The following SPINDOC variants were observed in gnomAD, a reference collection of about 807,000 sequenced individuals.
The protein encoded by SPINDOC is spindlin interactor and repressor of chromatin binding.
SPINDOC carries 13 observed loss-of-function variants against 30.7 expected under a neutral mutation model. The observed-to-expected ratio is 0.42, with a 90% CI of 0.28 to 0.67. The LOEUF is 0.67. SPINDOC is among the 30% of genes least tolerant of loss of function. The pLI, the probability that SPINDOC is intolerant of heterozygous loss-of-function variation, is 0.22. For synonymous variants in SPINDOC, 228 were observed against 211.4 expected (o/e 1.08, Z -0.68); for missense variants, 438 against 518.0 (o/e 0.85, Z 1.50).
intron 5 of SPINDOC, among the ~76,000 whole-genome samples, chr11:63,819,578 C>A (rs1565077123): frequency 6.6e-6 from 1 of 151,782 alleles, no homozygotes; most frequent in Non-Finnish European, 1.5e-5. Context: ...TTCAGTGCAT[C>A]CTCTGCTTCC....
intron 5 of SPINDOC, chr11:63,823,150 G>A (rs1335010037): frequency 1.6e-6 from 2 of 1,289,074 alleles, no homozygotes; most frequent in Admixed American, 4.6e-5. Flanking sequence ...TAGGCTGGAG[G>A]CAGTAAATCT....
Position 63,826,966 on chromosome 11 carries a change from G to T in SPINDOC, c.973G>T (p.Val325Phe). The T allele has an allele frequency of 1.9e-6, 3 of 1,600,514 alleles. No homozygotes were observed. Among genetic ancestry groups the T allele is most frequent in the Non-Finnish European group, 1.7e-6 (2 of 1,167,894 alleles). The change falls in exon 6 of 6, where the codon GTT (valine) becomes TTT (phenylalanine). Residue 325 changes from valine to phenylalanine, a missense_variant. Coordinates refer to ENST00000294244, the MANE Select transcript of SPINDOC (RefSeq NM_138471.3). ...PGLRGTLDLQ[V>F]IRVRMEEPPA... Reference sequence around the variant, plus strand: ...GCTCCGCGGGACACTGGATCTCCAGGTTATCCGCGTGCGGATGGAGGAGCC... The same window carrying T: ...GCTCCGCGGGACACTGGATCTCCAGTTTATCCGCGTGCGGATGGAGGAGCC...
intron 1 of SPINDOC, among the ~76,000 whole-genome samples, chr11:63,815,129 CAGGAAAAGGAGAAAGAGG>C: frequency 1.3e-5 from 2 of 152,134 alleles, no homozygotes; most frequent in Non-Finnish European, 2.9e-5. Context: ...ATCACTAAAG[CAGGAAAAGGAGAAAGAGG>C]AGGAATGGGT....
chr11:63,818,095 C>A lies in SPINDOC; in HGVS notation c.418C>A (p.Gln140Lys). 2 of 1,614,094 alleles carry A rather than the reference C, an allele frequency of 1.2e-6. No homozygotes were observed. The highest frequency in any genetic ancestry group is 8.5e-7 in the Non-Finnish European group (1 of 1,180,016). The change falls in exon 2 of 6, where the codon CAA (glutamine) becomes AAA (lysine). Residue 140 changes from glutamine (Q) to lysine (K), a missense_variant. This residue lies in a region of SPINDOC where 300 missense variants were observed against 332.8 expected (regional missense o/e 0.90). Coordinates refer to ENST00000294244, the MANE Select transcript of SPINDOC (RefSeq NM_138471.3). This position sits in a 1 kb window ranked among gnomAD's most constrained non-coding sequence, Gnocchi z 5.3. ...EAWSEGVALL[Q>K]DVRAEQPSPP... is the part of the protein sequence containing the mutation. ...CTGGAGTGAAGGGGTGGCCCTCTTG[C>A]AAGACGTGAGAGCTGAGCAGCCGTC...
Position 63,813,682 on chromosome 11 carries a change from G to T in SPINDOC, c.-5G>T, listed in dbSNP as rs201982601. On this transcript the variant is annotated 5_prime_UTR_variant, in exon 1 of 6. Transcript: ENST00000294244. ...CCGGCCACTGCTATCGCCCACGGCC[G>T]CACCATGGCCCTAAAGGCCGAGGGC... 12 of 1,556,752 alleles carry T rather than the reference G, an allele frequency of 7.7e-6. No individual in the cohort carries two copies. Among genetic ancestry groups the T allele is most frequent in the Admixed American group, 1.9e-5 (1 of 51,564 alleles).
Position 63,827,476 on chromosome 11 carries a change from G to A in SPINDOC, c.*337G>A. On this transcript the variant is annotated 3_prime_UTR_variant, in exon 6 of 6. Transcript: ENST00000294244. ...CTCCCCACCATTCTCCCTTGGCACA[G>A]TGCCTTACACAAGAGTGGTCATAAG... The A allele has an allele frequency of 2.7e-6, 1 of 372,518 alleles. No individual in the cohort carries two copies. 23.1% of individuals were successfully genotyped at this position (372,518 alleles called of 1,614,324 possible).
chr11:63,817,825 C>G lies in SPINDOC; in HGVS notation c.148C>G (p.Pro50Ala). 6.3e-7 allele frequency: 1 copy of G among 1,593,216 alleles called. No individual in the cohort carries two copies. Among genetic ancestry groups the G allele is most frequent in the East Asian group, 2.3e-5 (1 of 43,900 alleles). ...MLRVTQQEKT[P>A]PPRPSPLEAG... Reference sequence around the variant, plus strand: ...CGCAGTGACCCAACAGGAGAAGACCCCACCGCCTAGACCCAGCCCGCTAGA... The same window carrying G: ...CGCAGTGACCCAACAGGAGAAGACCGCACCGCCTAGACCCAGCCCGCTAGA... Residue 50 changes from proline to alanine, a missense_variant, in exon 2 of 6, where the codon CCA becomes GCA. By Grantham distance (27) the Pro-to-Ala change is conservative. This residue lies in a region of SPINDOC where 129 missense variants were observed against 152.7 expected (regional missense o/e 0.84). Coordinates refer to ENST00000294244, the MANE Select transcript of SPINDOC (RefSeq NM_138471.3).
In SPINDOC at chr11:63,818,267, G is replaced by A; in HGVS notation, c.509G>A (p.Arg170Lys). The A allele has an allele frequency of 2.5e-6, 4 of 1,614,052 alleles. No individual in the cohort carries two copies. The highest frequency in any genetic ancestry group is 3.4e-6 in the Non-Finnish European group (4 of 1,180,024). ...CCAGACGCCAACCCAGACGCTGCCA[G>A]AATGCCAGCCGAAATCGTCGTTCTC... The part of the protein sequence containing the change: ...PDPDANPDAA[R>K]MPAEIVVLLD... The change falls in exon 3 of 6, where the codon AGA becomes AAA. Residue 170 changes from arginine (R) to lysine (K), a missense_variant. By Grantham distance (26) the Arg-to-Lys change is conservative. Transcript: ENST00000294244. This position sits in a 1 kb window ranked among gnomAD's most constrained non-coding sequence, Gnocchi z 5.3.
chr11:63,825,104 C>T (rs2015622366), intron 5 of SPINDOC, among the ~76,000 whole-genome samples: 1 of 152,226 alleles, frequency 6.6e-6, no homozygotes, highest in Non-Finnish European at 1.5e-5. Flanking sequence ...TCTCCTGTAG[C>T]AGCCAGAGTG....
chr11:63,819,035 A>AG (rs2015435482), intron 5 of SPINDOC, 33 bp downstream of exon 5: 1 of 1,358,862 alleles, frequency 7.4e-7, no homozygotes, highest in South Asian at 1.1e-5. Flanking sequence ...CACAGTAGGG[A>AG]CCTCGCAGGC....
chr11:63,817,812 A>G lies in SPINDOC; in HGVS notation c.135A>G (p.Gln45=). 6.3e-7 allele frequency: 1 copy of G among 1,582,874 alleles called. No homozygotes were observed. ...CCCCCTCTCCCCTCGCAGTGACCCA[A>G]CAGGAGAAGACCCCACCGCCTAGAC... The part of the protein sequence containing the change: ...PRPEPMLRVT[Q]QEKTPPPRPS... Residue 45 remains glutamine (Q), a synonymous_variant, in exon 2 of 6, where the codon CAA becomes CAG. Coordinates refer to ENST00000294244, the MANE Select transcript of SPINDOC (RefSeq NM_138471.3).
chr11:63,822,412 C>T (rs1463452871), intron 5 of SPINDOC, among the ~76,000 whole-genome samples: 1 of 147,486 alleles, frequency 6.8e-6, no homozygotes, highest in Non-Finnish European at 1.5e-5. Context: ...GTATTATGTA[C>T]TCCTTTAGTC....
rs1452364736 is a variant in SPINDOC, at chr11:63,813,514, G to T, written c.-173G>T. 2.8e-5 allele frequency: 10 copies of T among 357,728 alleles called. No individual in the cohort carries two copies. The highest frequency in any genetic ancestry group is 1.4e-3 in the Middle Eastern group (1 of 692). 22.2% of individuals were successfully genotyped at this position (357,728 alleles called of 1,614,324 possible). On this transcript the variant is annotated 5_prime_UTR_variant, in exon 1 of 6. Coordinates refer to ENST00000294244, the MANE Select transcript of SPINDOC (RefSeq NM_138471.3). ...GCCGAGGTCTCGGGGAGGCCCGGAC[G>T]CGCCGGTCGCAGGCCCGGCCGGCGA...
At chr11:63,815,768 A>AT (rs34469401) in intron 1 of SPINDOC, among the ~76,000 whole-genome samples, 7,706 of 142,144 alleles carry the variant, frequency 0.054, 283 homozygotes, top group African/African-American at 0.12. Flanking sequence ...ATGGTCATGG[A>AT]TTTTTTTTTT....
rs2015247431 is a variant in SPINDOC, at chr11:63,813,502, G to C, written c.-185G>C. ...GGCTCCCGACGCGCCGAGGTCTCGG[G>C]GAGGCCCGGACGCGCCGGTCGCAGG... On this transcript the variant is annotated 5_prime_UTR_variant, in exon 1 of 6. Coordinates refer to ENST00000294244, the MANE Select transcript of SPINDOC (RefSeq NM_138471.3). 1 of 275,820 alleles carries C rather than the reference G, an allele frequency of 3.6e-6. No individual in the cohort carries two copies. Among genetic ancestry groups the C allele is most frequent in the African/African-American group, 2.3e-5 (1 of 43,324 alleles). The allele number at this position is 275,820 out of a possible 1,614,324, so 17.1% of individuals were successfully genotyped here.
chr11:63,825,088 C>G (rs1431467147), intron 5 of SPINDOC, among the ~76,000 whole-genome samples: 1 of 152,236 alleles, frequency 6.6e-6, no homozygotes, highest in Non-Finnish European at 1.5e-5. Flanking sequence ...GCCCGCTATG[C>G]TCTGCTCTCC....
chr11:63,821,939 G>T (rs112027738), intron 5 of SPINDOC, among the ~76,000 whole-genome samples: 8,363 of 152,146 alleles, frequency 0.055, 828 homozygotes, highest in African/African-American at 0.19. Flanking sequence ...TGTAGAGACA[G>T]GTTTTCACTG....
Position 63,818,741 on chromosome 11 carries a change from C to T in SPINDOC, c.734-61C>T. 1.9e-6 allele frequency: 3 copies of T among 1,611,976 alleles called. No homozygotes were observed. Among genetic ancestry groups the T allele is most frequent in the Non-Finnish European group, 1.7e-6 (2 of 1,179,422 alleles). On this transcript the variant is annotated intron_variant, in intron 4 of 5. Coordinates refer to ENST00000294244, the MANE Select transcript of SPINDOC (RefSeq NM_138471.3). The surrounding 1 kb of genome is among the most constrained non-coding windows in gnomAD (Gnocchi z 5.3). ...GTGAGGATGGAGCAGGGCCTGGGCG[C>T]AGGGCGCCTGCAGCTCCTGAGGCTT...
Position 63,818,042 on chromosome 11 carries a change from C to G in SPINDOC, c.365C>G (p.Pro122Arg). 6.2e-7 allele frequency: 1 copy of G among 1,614,210 alleles called. No individual in the cohort carries two copies. The highest frequency in any genetic ancestry group is 8.5e-7 in the Non-Finnish European group (1 of 1,180,052). The change falls in exon 2 of 6, where the codon CCT (proline) becomes CGT (arginine). Residue 122 changes from proline to arginine, a missense_variant. Pro to Arg is a moderately radical substitution (Grantham distance 103). This residue lies in a region of SPINDOC where 9 missense variants were observed against 32.5 expected (regional missense o/e 0.28). Coordinates refer to ENST00000294244, the MANE Select transcript of SPINDOC (RefSeq NM_138471.3). This position sits in a 1 kb window ranked among gnomAD's most constrained non-coding sequence, Gnocchi z 5.3. The part of the protein sequence containing the change: ...EQHPHTLDLS[P>R]SEKSNILEAW... Reference sequence around the variant, plus strand: ...CACCCTCACACCTTGGACCTGAGCCCTTCTGAGAAGAGCAATATCCTGGAG... The same window carrying G: ...CACCCTCACACCTTGGACCTGAGCCGTTCTGAGAAGAGCAATATCCTGGAG...
Sources: allele counts gnomAD v4.1 joint callset (sites outside exome capture counted in the v4.1 genomes callset), GRCh38; gene constraint gnomAD v4.1.1; regional missense constraint gnomAD v4.1.1; non-coding constraint Gnocchi (gnomAD v3.1); transcripts MANE v1.5; gene names NCBI Gene and HGNC (gene_info 2026-07-23, HGNC 2026-07-21).